The following DST variants were observed in gnomAD, a reference collection of about 807,000 sequenced individuals.
DST encodes dystonin, also known as bullous pemphigoid antigen.
In DST, 253 loss-of-function variants were observed where a neutral mutation model predicts 875.2. The ratio of observed to expected loss-of-function variants is 0.29; its 90% CI spans 0.26 to 0.32. DST has a LOEUF of 0.32. DST is among the 10% of genes least tolerant of loss of function. The probability of loss-of-function intolerance (pLI) is 1.00; values close to 1 mark genes in which losing one functional copy is unlikely to be tolerated. For missense variants in DST, 8,287 were observed against 9,111.6 expected (o/e 0.91, Z 3.68); for synonymous variants, 3,124 against 3,197.1 (o/e 0.98, Z 0.77).
intron 50 of DST, among the ~76,000 whole-genome samples, chr6:56,576,876 T>C (rs774000835): frequency 2.6e-5 from 4 of 152,130 alleles, no homozygotes; most frequent in African/African-American, 4.8e-5. Flanking sequence ...TCCAGAACTA[T>C]TGGAAATAAA....
At chr6:56,568,346 T>C in intron 55 of DST, 123 bp downstream of exon 55, 3 of 1,051,778 alleles carry the variant, frequency 2.9e-6, no homozygotes, top group Non-Finnish European at 4.1e-6. Flanking sequence ...CCATGTTTCT[T>C]GTCACTTTCA....
intron 85 of DST, among the ~76,000 whole-genome samples, chr6:56,491,551 A>C (rs1056803531): frequency 2.0e-5 from 3 of 152,212 alleles, no homozygotes; most frequent in Non-Finnish European, 4.4e-5. Context: ...CAACAGGTAA[A>C]GGGAGTAAGG....
chr6:56,523,536 A>G (rs1288866254), intron 69 of DST, among the ~76,000 whole-genome samples: 4 of 152,152 alleles, frequency 2.6e-5, no homozygotes, highest in Non-Finnish European at 5.9e-5. Flanking sequence ...AAGTCAATAC[A>G]TTCTGCGATT....
intron 9 of DST, among the ~76,000 whole-genome samples, chr6:56,677,127 T>A (rs1188920583): frequency 6.6e-6 from 1 of 152,210 alleles, no homozygotes; most frequent in African/African-American, 2.4e-5. Context: ...TAATTTTTAT[T>A]TGTCAATTTA....
chr6:56,670,879 C>G lies in DST; in HGVS notation c.1048-72G>C, dbSNP rs935776171. On this transcript the variant is annotated intron_variant, in intron 9 of 103. Coordinates refer to ENST00000680361, the MANE Select transcript of DST (RefSeq NM_001374736.1). ...ACTCAGATTAAGAACCTACTATGTGCCAAGCACTTTCCAAAATCTAAGATT... is the reference window on the plus strand; with the variant it reads ...ACTCAGATTAAGAACCTACTATGTGGCAAGCACTTTCCAAAATCTAAGATT... 3 of 988,218 alleles carry G rather than the reference C, an allele frequency of 3.0e-6. No individual in the cohort carries two copies. In the South Asian group the frequency reaches 6.2e-5, roughly 21 times the overall value. The allele number at this position is 988,218 out of a possible 1,614,324, so 61.2% of individuals were successfully genotyped here.
At chr6:56,616,217 A>G in intron 36 of DST, 1 of 1,614,122 alleles carries the variant, frequency 6.2e-7, no homozygotes, top group Non-Finnish European at 8.5e-7. Context: ...ATACTTTTTG[A>G]CCAAGGCTTT....
At chr6:56,796,274 A>G (rs549649298) in intron 4 of DST, among the ~76,000 whole-genome samples, 1 of 152,368 alleles carries the variant, frequency 6.6e-6, no homozygotes, top group South Asian at 2.1e-4. Context: ...AGCACAAACA[A>G]GGAAAGTCAT....
chr6:56,752,742 T>C (rs1163491250), intron 4 of DST, among the ~76,000 whole-genome samples: 1 of 152,224 alleles, frequency 6.6e-6, no homozygotes, highest in Non-Finnish European at 1.5e-5. Flanking sequence ...TTGGACACTT[T>C]CCAATACAAT....
intron 4 of DST, among the ~76,000 whole-genome samples, chr6:56,765,778 G>T (rs1272759994): frequency 6.6e-6 from 1 of 151,804 alleles, no homozygotes; most frequent in Non-Finnish European, 1.5e-5. Flanking sequence ...TTCAGTTATT[G>T]GTCCCTGACA....
chr6:56,532,242 T>C (rs550886000), intron 64 of DST, 102 bp downstream of exon 64: 14 of 1,064,492 alleles, frequency 1.3e-5, no homozygotes, highest in East Asian at 2.5e-5. Flanking sequence ...ATGATAAACA[T>C]AGGAAAATCA....
At chr6:56,832,250 G>A (rs2153062005) in intron 4 of DST, among the ~76,000 whole-genome samples, 1 of 152,288 alleles carries the variant, frequency 6.6e-6, no homozygotes, top group Non-Finnish European at 1.5e-5. Flanking sequence ...GAATTTCCAG[G>A]TGTTGTGGGA....
At chr6:56,884,210 T>C (rs907936539) in intron 3 of DST, among the ~76,000 whole-genome samples, 6 of 152,184 alleles carry the variant, frequency 3.9e-5, no homozygotes, top group African/African-American at 1.4e-4. Context: ...AAATAAGGCA[T>C]ACATGTTACA....
At chr6:56,703,193 G>T (rs574980025) in intron 7 of DST, among the ~76,000 whole-genome samples, 17 of 152,256 alleles carry the variant, frequency 1.1e-4, no homozygotes, top group Admixed American at 9.8e-4. Context: ...TTGCCAAGAG[G>T]TGTGGTTTAA....
intron 71 of DST, 99 bp downstream of exon 71, chr6:56,517,099 G>T: frequency 1.2e-6 from 1 of 835,360 alleles, no homozygotes; most frequent in Non-Finnish European, 2.0e-6. Flanking sequence ...TGCTTAAATG[G>T]CAGCTGTGGA....
chr6:56,689,475 G>A (rs541811441), intron 9 of DST, among the ~76,000 whole-genome samples: 7 of 152,190 alleles, frequency 4.6e-5, no homozygotes, highest in South Asian at 2.1e-4. Context: ...AAAAACACAC[G>A]AGCAGGTGCC....
intron 13 of DST, 101 bp downstream of exon 13, chr6:56,648,469 G>T (rs1243427546): frequency 1.6e-6 from 2 of 1,219,470 alleles, no homozygotes; most frequent in African/African-American, 1.6e-5. Context: ...GGCTTTCCAA[G>T]GGCAACTTTT....
intron 4 of DST, chr6:56,843,296 GC>G (rs1339061648): frequency 5.2e-5 from 64 of 1,242,034 alleles, no homozygotes; most frequent in Non-Finnish European, 6.0e-5. Context: ...AAGACGCAGA[GC>G]GGGGGCGCAG....
intron 53 of DST, among the ~76,000 whole-genome samples, chr6:56,570,589 G>A (rs533558797): frequency 1.1e-4 from 16 of 152,276 alleles, no homozygotes; most frequent in African/African-American, 3.9e-4. Context: ...TGTAAATACA[G>A]ATGAAGCTTT....
chr6:56,533,830 T>G (rs909368219), intron 63 of DST, among the ~76,000 whole-genome samples: 17 of 152,166 alleles, frequency 1.1e-4, no homozygotes, highest in African/African-American at 4.1e-4. Context: ...TGCTGAAGTT[T>G]TCAAAAACTT....
Sources: gnomAD v4.1 joint callset for allele counts (sites outside exome capture counted in the v4.1 genomes callset) on GRCh38, gnomAD v4.1.1 for gene constraint, MANE v1.5 for transcripts, NCBI Gene and HGNC (gene_info 2026-07-23, HGNC 2026-07-21) for gene names.